ABI2: variants seen among roughly 807,000 people sequenced by gnomAD.
ABI2 encodes abl interactor 2, also known as abelson interactor 2.
ABI2 carries 25 observed loss-of-function variants against 59.2 expected under a neutral mutation model. That is an observed-to-expected ratio of 0.42 (90% CI 0.31 to 0.59). The LOEUF (loss-of-function observed/expected upper bound fraction) is 0.59, where lower values mean the gene tolerates loss of function less well. Ranked by LOEUF, ABI2 falls within the 20% of genes least tolerant of loss-of-function variation. The pLI, the probability that ABI2 is intolerant of heterozygous loss-of-function variation, is 0.14. For missense variants in ABI2, 545 were observed against 681.8 expected (o/e 0.80, Z 2.23); for synonymous variants, 213 against 235.5 (o/e 0.90, Z 0.87).
At chr2:203,397,540 C>T (rs543244140) in intron 8 of ABI2, among the ~76,000 whole-genome samples, 108 of 152,254 alleles carry the variant, frequency 7.1e-4, no homozygotes, top group African/African-American at 2.5e-3. Flanking sequence ...TCAATTGCTA[C>T]GAAATATATT....
intron 1 of ABI2, among the ~76,000 whole-genome samples, chr2:203,365,709 C>T (rs1025215794): frequency 2.1e-5 from 3 of 140,288 alleles, no homozygotes; most frequent in African/African-American, 7.8e-5. Context: ...GGCTCACTGC[C>T]TTCTCTGCCT....
chr2:203,410,855 C>A (rs1390633629), intron 9 of ABI2, among the ~76,000 whole-genome samples: 1 of 151,794 alleles, frequency 6.6e-6, no homozygotes, highest in Non-Finnish European at 1.5e-5. Context: ...AAACTTGTAA[C>A]CTTCCAAGGT....
chr2:203,368,122 G>A (rs1029356748), intron 2 of ABI2, among the ~76,000 whole-genome samples: 1 of 152,106 alleles, frequency 6.6e-6, no homozygotes, highest in African/African-American at 2.4e-5. Flanking sequence ...TCTTGATGTT[G>A]TAAGTTCTTC....
intron 2 of ABI2, chr2:203,376,273 C>T: frequency 1.7e-6 from 1 of 584,092 alleles, no homozygotes; most frequent in Admixed American, 3.2e-5. Context: ...CAGTTATCTA[C>T]CTGGATGCTT....
At position 203,429,070 on chromosome 2, in the gene ABI2, T is replaced by C. The variant is rs1479088402; in HGVS notation, c.*1718T>C. On this transcript the variant is annotated 3_prime_UTR_variant, in exon 12 of 12. Transcript: ENST00000261018. ...TTAACTGAGACCCCACTATAGAGTT[T>C]CCTTATCAAGACTTTTTGGTTTTAA... is the stretch of plus-strand genomic sequence containing the variant. 1 of 152,264 alleles carries C rather than the reference T, an allele frequency of 6.6e-6. No individual in the cohort carries two copies. Among genetic ancestry groups the C allele is most frequent in the African/African-American group, 2.4e-5 (1 of 41,470 alleles). 9.4% of individuals were successfully genotyped at this position (152,264 alleles called of 1,614,324 possible).
intron 11 of ABI2, among the ~76,000 whole-genome samples, chr2:203,421,163 A>G (rs768289509): frequency 5.3e-5 from 8 of 152,168 alleles, no homozygotes; most frequent in Non-Finnish European, 1.2e-4. Context: ...GAGATACCTG[A>G]TAATAGTGTA....
chr2:203,368,959 T>G (rs2094798523), intron 2 of ABI2, among the ~76,000 whole-genome samples: 1 of 145,824 alleles, frequency 6.9e-6, no homozygotes, highest in Non-Finnish European at 1.5e-5. Context: ...TGGCTGGGAC[T>G]ACAGGCACGT....
intron 8 of ABI2, among the ~76,000 whole-genome samples, chr2:203,402,240 G>A (rs150392003): frequency 0.016 from 2,449 of 152,202 alleles, 31 homozygotes; most frequent in Non-Finnish European, 0.024. Flanking sequence ...TCACCACGTT[G>A]GCCAGGCTGG....
intron 11 of ABI2, among the ~76,000 whole-genome samples, chr2:203,422,463 A>G (rs549794883): frequency 6.6e-6 from 1 of 152,274 alleles, no homozygotes; most frequent in African/African-American, 2.4e-5. Context: ...GGAGATTTAG[A>G]AGGTGGAATT....
chr2:203,357,288 AAATT>A (rs1327883881), intron 1 of ABI2, among the ~76,000 whole-genome samples: 6 of 152,206 alleles, frequency 3.9e-5, no homozygotes, highest in African/African-American at 9.6e-5. Flanking sequence ...TTGGGAGTAT[AAATT>A]AATTATTTAA....
intron 9 of ABI2, among the ~76,000 whole-genome samples, chr2:203,406,898 A>G (rs935737474): frequency 6.6e-6 from 1 of 152,116 alleles, no homozygotes; most frequent in Non-Finnish European, 1.5e-5. Flanking sequence ...CCTGACCTCA[A>G]GTGATCCAGT....
intron 1 of ABI2, among the ~76,000 whole-genome samples, chr2:203,366,152 T>G (rs916248445): frequency 2.0e-5 from 3 of 152,124 alleles, no homozygotes; most frequent in African/African-American, 7.2e-5. Context: ...TTAATTTATT[T>G]TAAAAATTAC....
At position 203,427,164 on chromosome 2, in the gene ABI2, T is replaced by C; in HGVS notation, c.1454-13T>C. 1.9e-6 allele frequency: 3 copies of C among 1,611,116 alleles called. No homozygotes were observed. The highest frequency in any genetic ancestry group is 2.5e-6 in the Non-Finnish European group (3 of 1,178,032). On this transcript the variant is annotated splice_polypyrimidine_tract_variant and intron_variant, in intron 11 of 11. Transcript: ENST00000261018. ...CTGTCTTTCACATCCTGTTTTGTTT[T>C]CTTCCCTCCTAGTTGTGGCAATTTA...
chr2:203,372,516 C>T (rs1444318289), intron 2 of ABI2, among the ~76,000 whole-genome samples: 5 of 150,356 alleles, frequency 3.3e-5, no homozygotes, highest in African/African-American at 7.4e-5. Flanking sequence ...CGGGCAGAGG[C>T]GCCCCTCATC....
At chr2:203,351,759 C>G (rs2088715226) in intron 1 of ABI2, 1 of 283,386 alleles carries the variant, frequency 3.5e-6, no homozygotes, top group African/African-American at 2.3e-5. Context: ...TGGTCCCAAA[C>G]TCCTGGCCTC....
intron 4 of ABI2, among the ~76,000 whole-genome samples, chr2:203,385,173 C>T (rs1318194211): frequency 2.6e-5 from 2 of 75,772 alleles, no homozygotes; most frequent in Non-Finnish European, 6.1e-5. Flanking sequence ...TGCCGTTGCC[C>T]AGGCTGGAGT....
At chr2:203,384,132 A>AT (rs1318416982) in intron 4 of ABI2, among the ~76,000 whole-genome samples, 1 of 152,168 alleles carries the variant, frequency 6.6e-6, no homozygotes, top group East Asian at 1.9e-4. Flanking sequence ...AGTTCATAAG[A>AT]TTTTTAAAAA....
intron 2 of ABI2, chr2:203,367,266 C>T: frequency 2.0e-6 from 1 of 503,060 alleles, no homozygotes; most frequent in Non-Finnish European, 2.9e-6. Flanking sequence ...TTTATTAAAA[C>T]TCAGTTGTCA....
intron 9 of ABI2, 125 bp from the exon 10 acceptor site, chr2:203,411,160 T>A: frequency 1.3e-6 from 1 of 783,398 alleles, no homozygotes; most frequent in Non-Finnish European, 2.2e-6. Context: ...ATCCTTGAGA[T>A]CACTGATAAA....
Sources: gnomAD v4.1 joint callset for allele counts (sites outside exome capture counted in the v4.1 genomes callset) on GRCh38, gnomAD v4.1.1 for gene constraint, MANE v1.5 for transcripts, NCBI Gene and HGNC (gene_info 2026-07-23, HGNC 2026-07-21) for gene names.